ZFHX3: variants seen among roughly 807,000 people sequenced by gnomAD.
The protein encoded by ZFHX3 is zinc finger homeobox protein 3.
In ZFHX3, 42 loss-of-function variants were observed where a neutral mutation model predicts 279.1. The observed-to-expected ratio is 0.15, with a 90% confidence interval of 0.12 to 0.19. The LOEUF (loss-of-function observed/expected upper bound fraction) is 0.19, where lower values mean the gene tolerates loss of function less well. Among genes scored for constraint, ZFHX3 ranks in the 10% least tolerant of loss-of-function variants. ZFHX3 has a pLI of 1.00. For synonymous variants in ZFHX3, 2,293 were observed against 1,957.8 expected (o/e 1.17, Z -4.52); for missense variants, 4,981 against 4,754.0 (o/e 1.05, Z -1.40).
At chr16:73,710,400 C>T (rs1214275989) in intron 1 of ZFHX3, among the ~76,000 whole-genome samples, 1 of 152,184 alleles carries the variant, frequency 6.6e-6, no homozygotes, top group Non-Finnish European at 1.5e-5. Flanking sequence ...GTAACAGAAG[C>T]TAATTTTCAC....
At chr16:73,659,582 T>C (rs1456820725) in intron 2 of ZFHX3, among the ~76,000 whole-genome samples, 2 of 152,138 alleles carry the variant, frequency 1.3e-5, no homozygotes, top group African/African-American at 2.4e-5. Context: ...TGTTGTCAGC[T>C]GTATGGAGAG....
At chr16:73,801,049 G>A (rs1334816600) in intron 1 of ZFHX3, among the ~76,000 whole-genome samples, 1 of 152,128 alleles carries the variant, frequency 6.6e-6, no homozygotes, top group Non-Finnish European at 1.5e-5. Flanking sequence ...GACACTGCCT[G>A]GAAATGAATG....
intron 1 of ZFHX3, among the ~76,000 whole-genome samples, chr16:73,884,222 T>C (rs949349155): frequency 1.3e-5 from 2 of 152,208 alleles, no homozygotes; most frequent in African/African-American, 4.8e-5. Flanking sequence ...GGGGCAATTA[T>C]GATTTTGTAC....
At chr16:73,608,095 A>G (rs1412030040) in intron 2 of ZFHX3, among the ~76,000 whole-genome samples, 1 of 152,068 alleles carries the variant, frequency 6.6e-6, no homozygotes, top group African/African-American at 2.4e-5. Flanking sequence ...AAAAAAGAGA[A>G]TAGGGGAAGG....
chr16:73,449,440 T>C (rs2018246118), intron 3 of ZFHX3, among the ~76,000 whole-genome samples: 1 of 152,024 alleles, frequency 6.6e-6, no homozygotes, highest in East Asian at 1.9e-4. Context: ...GGCGGGAGGA[T>C]TGCTTGAGGC....
chr16:73,216,259 C>T (rs2012204300), intron 5 of ZFHX3, among the ~76,000 whole-genome samples: 1 of 152,216 alleles, frequency 6.6e-6, no homozygotes, highest in African/African-American at 2.4e-5. Flanking sequence ...TTATGTTAGT[C>T]CCTTGATTTG....
intron 5 of ZFHX3, among the ~76,000 whole-genome samples, chr16:73,217,977 C>A (rs1461140478): frequency 1.3e-5 from 2 of 152,004 alleles, no homozygotes; most frequent in African/African-American, 2.4e-5. Context: ...TGATATGGTC[C>A]ATAAGTCATT....
intron 2 of ZFHX3, among the ~76,000 whole-genome samples, chr16:73,516,669 A>T (rs966687974): frequency 6.6e-6 from 1 of 152,112 alleles, no homozygotes; most frequent in Non-Finnish European, 1.5e-5. Context: ...TTTCTCCTCT[A>T]ATCAATTTCT....
At chr16:73,322,799 G>A (rs2015603863) in intron 3 of ZFHX3, among the ~76,000 whole-genome samples, 2 of 152,200 alleles carry the variant, frequency 1.3e-5, no homozygotes, top group East Asian at 1.9e-4. Flanking sequence ...GTGCTAAGAA[G>A]TATAAAAAAG....
At chr16:73,853,886 T>C (rs1262627795) in intron 1 of ZFHX3, among the ~76,000 whole-genome samples, 2 of 152,134 alleles carry the variant, frequency 1.3e-5, no homozygotes, top group African/African-American at 4.8e-5. Context: ...TCTTCACAAG[T>C]GATCCTATTG....
intron 3 of ZFHX3, among the ~76,000 whole-genome samples, chr16:72,892,771 G>C (rs1315241027): frequency 6.6e-6 from 1 of 152,208 alleles, no homozygotes; most frequent in African/African-American, 2.4e-5. Context: ...GTCTCCTAAA[G>C]TAGCTGGGAT....
chr16:73,854,838 G>C (rs974468222), intron 1 of ZFHX3, among the ~76,000 whole-genome samples: 2 of 150,438 alleles, frequency 1.3e-5, no homozygotes, highest in Admixed American at 6.7e-5. Flanking sequence ...TATTGCACTT[G>C]TATCTGGGTT....
intron 1 of ZFHX3, among the ~76,000 whole-genome samples, chr16:73,754,348 G>C (rs1389423756): frequency 6.6e-6 from 1 of 152,102 alleles, no homozygotes; most frequent in Non-Finnish European, 1.5e-5. Flanking sequence ...GGGTGACACA[G>C]GCTAGAGAAT....
intron 7 of ZFHX3, among the ~76,000 whole-genome samples, chr16:73,128,619 T>C (rs1303917543): frequency 2.0e-5 from 3 of 152,170 alleles, no homozygotes; most frequent in Non-Finnish European, 4.4e-5. Flanking sequence ...GACTGACCCA[T>C]ACTCAAGCAC....
intron 3 of ZFHX3, among the ~76,000 whole-genome samples, chr16:73,334,064 G>A (rs950490092): frequency 4.6e-5 from 7 of 152,108 alleles, no homozygotes; most frequent in Non-Finnish European, 7.4e-5. Flanking sequence ...AAGAGGATGG[G>A]GTCAAGGACA....
chr16:73,302,276 C>T (rs1418142249), intron 4 of ZFHX3, among the ~76,000 whole-genome samples: 1 of 151,982 alleles, frequency 6.6e-6, no homozygotes, highest in Non-Finnish European at 1.5e-5. Context: ...TCCCCTCCTT[C>T]CCCCTCCCTT....
chr16:73,334,807 A>ATTATTTTTT (rs1224756669), intron 3 of ZFHX3, among the ~76,000 whole-genome samples: 10 of 28,498 alleles, frequency 3.5e-4, no homozygotes, highest in African/African-American at 1.4e-3. Context: ...TTTCTTTCTC[A>ATTATTTTTT]TTCTTTTTTT....
intron 1 of ZFHX3, among the ~76,000 whole-genome samples, chr16:73,781,079 G>A (rs1017366846): frequency 6.6e-6 from 1 of 152,168 alleles, no homozygotes; most frequent in Non-Finnish European, 1.5e-5. Context: ...ATTTGCTTGG[G>A]AAGATGAGGA....
intron 1 of ZFHX3, among the ~76,000 whole-genome samples, chr16:73,875,072 T>C (rs2029904696): frequency 6.6e-6 from 1 of 152,172 alleles, no homozygotes; most frequent in African/African-American, 2.4e-5. Context: ...GAGCTAAGAC[T>C]CTGAATACAT....
Sources: gnomAD v4.1 joint callset for allele counts (sites outside exome capture counted in the v4.1 genomes callset) on GRCh38, gnomAD v4.1.1 for gene constraint, MANE v1.5 for transcripts, NCBI Gene and HGNC (gene_info 2026-07-23, HGNC 2026-07-21) for gene names.